Variants in RNF216 observed in about 807,000 individuals in gnomAD.
RNF216 encodes the protein ring finger protein 216, also known as E3 ubiquitin-protein ligase RNF216.
A neutral mutation model predicts 110.8 loss-of-function variants in RNF216; 72 were observed. The observed-to-expected ratio is 0.65, with a 90% confidence interval of 0.54 to 0.79. The LOEUF (loss-of-function observed/expected upper bound fraction) is 0.79. Ranked by LOEUF, RNF216 falls within the 30% of genes least tolerant of loss-of-function variation. The probability of loss-of-function intolerance (pLI) is 0.00; values close to 1 mark genes in which losing one functional copy is unlikely to be tolerated. For synonymous variants in RNF216, 495 were observed against 407.5 expected, an observed-to-expected ratio of 1.21 and a Z score of -2.59; for missense variants, 1,342 against 1,141.2, an observed-to-expected ratio of 1.18 and a Z score of -2.54.
At chr7:5,780,712 A>T (rs1797034666) in intron 1 of RNF216, among the ~76,000 whole-genome samples, 1 of 151,838 alleles carries the variant, frequency 6.6e-6, no homozygotes, top group Admixed American at 6.6e-5. Flanking sequence ...CTCAAAGAAA[A>T]GGAGAAAAAA....
At chr7:5,637,901 G>A (rs1409354490) in intron 15 of RNF216, among the ~76,000 whole-genome samples, 2 of 152,056 alleles carry the variant, frequency 1.3e-5, no homozygotes, top group Non-Finnish European at 2.9e-5. Flanking sequence ...GGTGGAGTGC[G>A]GTGGCGCGAT....
At chr7:5,644,043 A>G (rs1787901807) in intron 14 of RNF216, among the ~76,000 whole-genome samples, 1 of 152,154 alleles carries the variant, frequency 6.6e-6, no homozygotes, top group African/African-American at 2.4e-5. Flanking sequence ...TTATGGTTGG[A>G]TAATATTCCA....
rs190880738 is a variant in RNF216, at chr7:5,765,408, G to A, written c.-69-4270C>T. Among the ~76,000 whole-genome samples the A allele has an allele frequency of 9.3e-5, 14 of 151,308 alleles. No homozygotes were observed. The East Asian group carries it at 2.6e-3, about 28-fold the overall frequency. ...CAGCTTGGAAGGTGGAGGTTGCAGT[G>A]AGCTGAGATTGTGCCACTGCACTCC... On this transcript the variant is annotated intron_variant, in intron 1 of 16. Coordinates refer to ENST00000389902, the MANE Select transcript of RNF216 (RefSeq NM_207111.4).
chr7:5,733,464 T>C (rs1295167495), intron 5 of RNF216, among the ~76,000 whole-genome samples: 1 of 152,200 alleles, frequency 6.6e-6, no homozygotes, highest in African/African-American at 2.4e-5. Flanking sequence ...TTAAACATGA[T>C]GTTCATTTGC....
intron 15 of RNF216, among the ~76,000 whole-genome samples, chr7:5,629,194 CAAAA>C (rs112745079): frequency 1.2e-5 from 1 of 82,934 alleles, no homozygotes; most frequent in African/African-American, 3.6e-5. Flanking sequence ...GACTCTGTCT[CAAAA>C]AAAAAAAAAA....
intron 1 of RNF216, among the ~76,000 whole-genome samples, chr7:5,776,851 A>G (rs1730166612): frequency 7.3e-6 from 1 of 136,422 alleles, no homozygotes; most frequent in Non-Finnish European, 1.6e-5. Context: ...CAGTGAGCTG[A>G]TATTGTGCCA....
At chr7:5,683,054 C>T (rs1162117734) in intron 13 of RNF216, among the ~76,000 whole-genome samples, 1 of 151,998 alleles carries the variant, frequency 6.6e-6, no homozygotes, top group African/African-American at 2.4e-5. Context: ...CTATGTCATG[C>T]TAAGTTAAAA....
At position 5,761,016 on chromosome 7, in the gene RNF216, G is replaced by A. The variant is rs1238972268; in HGVS notation, c.54C>T (p.Cys18=). 2.5e-6 allele frequency: 4 copies of A among 1,572,706 alleles called. No homozygotes were observed. The highest frequency in any genetic ancestry group is 2.8e-5 in the African/African-American group (2 of 72,184). ...CAAACAACTTACCTTGTCCCCGATG[G>A]CAGTGAAAGTTGTTCAAGTGAATTA... The part of the protein sequence containing the change: ...EEVIHLNNFH[C]HRGQEWINLR... Residue 18 remains cysteine, a synonymous_variant, in exon 2 of 17, where the codon TGC becomes TGT. Coordinates refer to ENST00000389902, the MANE Select transcript of RNF216 (RefSeq NM_207111.4).
Position 5,716,719 on chromosome 7 carries a change from T to C in RNF216, c.1692A>G (p.Gln564=). 1 of 1,592,450 alleles carries C rather than the reference T, an allele frequency of 6.3e-7. No individual in the cohort carries two copies. Among genetic ancestry groups the C allele is most frequent in the Non-Finnish European group, 8.6e-7 (1 of 1,167,492 alleles). ...LALQMNEEQY[Q]KDGQLIECRC... is the part of the protein sequence containing the mutation. ...ACAAGGTGAGATTTCAAACTACCTT[T>C]TGATACTGTTCTTCATTCATCTGTA... Residue 564 remains glutamine (Q), a synonymous_variant, in exon 10 of 17, where the codon CAA becomes CAG. Transcript: ENST00000389902.
At chr7:5,781,097 G>A (rs1007425053) in intron 1 of RNF216, among the ~76,000 whole-genome samples, 2 of 152,178 alleles carry the variant, frequency 1.3e-5, no homozygotes, top group African/African-American at 2.4e-5. Context: ...GGAAGAGGAG[G>A]AAAAACGCCG....
intron 3 of RNF216, among the ~76,000 whole-genome samples, chr7:5,752,586 C>T (rs1358517783): frequency 2.6e-5 from 4 of 152,100 alleles, no homozygotes; most frequent in Admixed American, 1.3e-4. Context: ...CAGTAAGATA[C>T]ACTATAATGT....
chr7:5,663,877 G>C (rs962853196), intron 13 of RNF216, among the ~76,000 whole-genome samples: 4 of 151,978 alleles, frequency 2.6e-5, no homozygotes, highest in Non-Finnish European at 4.4e-5. Context: ...CAGCCTGGGC[G>C]ACAGAGAGGG....
At chr7:5,751,782 T>C (rs1795338183) in intron 3 of RNF216, among the ~76,000 whole-genome samples, 1 of 143,676 alleles carries the variant, frequency 7.0e-6, no homozygotes, top group African/African-American at 2.7e-5. Context: ...AAGGAAGTGT[T>C]CCTTGGTCCT....
chr7:5,660,596 G>A (rs1225378020), intron 13 of RNF216, among the ~76,000 whole-genome samples: 1 of 151,532 alleles, frequency 6.6e-6, no homozygotes, highest in East Asian at 1.9e-4. Flanking sequence ...ATGATTGACT[G>A]AGACAGGGTC....
intron 13 of RNF216, among the ~76,000 whole-genome samples, chr7:5,678,669 C>T (rs1790459214): frequency 6.6e-6 from 1 of 152,256 alleles, no homozygotes; most frequent in Admixed American, 6.5e-5. Context: ...GCCATGGCTC[C>T]AGTCACAACT....
At chr7:5,734,150 A>G (rs1346881524) in intron 5 of RNF216, among the ~76,000 whole-genome samples, 2 of 152,226 alleles carry the variant, frequency 1.3e-5, no homozygotes, top group African/African-American at 4.8e-5. Context: ...AGTAGAGTTC[A>G]GGAGACAAGC....
At chr7:5,683,919 C>T (rs192642870) in intron 13 of RNF216, among the ~76,000 whole-genome samples, 4 of 151,938 alleles carry the variant, frequency 2.6e-5, no homozygotes, top group Non-Finnish European at 4.4e-5. Context: ...AGAATAGGGA[C>T]GGGCATCACT....
rs1203698213 is a variant in RNF216, at chr7:5,741,526, T to C, written c.491A>G (p.Gln164Arg). Residue 164 changes from glutamine to arginine, a missense_variant, in exon 4 of 17, where the codon CAA (glutamine) becomes CGA (arginine). By Grantham distance (43) the Gln-to-Arg change is conservative. Coordinates refer to ENST00000389902, the MANE Select transcript of RNF216 (RefSeq NM_207111.4). ...REPKPGPSHN[Q>R]AANDIVNPRS... ...GGGGTTGACAATGTCATTTGCTGCTTGGTTATGACTCGGTCCAGGCTTGGG... is the reference window on the plus strand; with the variant it reads ...GGGGTTGACAATGTCATTTGCTGCTCGGTTATGACTCGGTCCAGGCTTGGG... 1 of 1,614,096 alleles carries C rather than the reference T, an allele frequency of 6.2e-7. No individual in the cohort carries two copies. The highest frequency in any genetic ancestry group is 1.3e-5 in the African/African-American group (1 of 74,928).
chr7:5,740,258 T>G (rs867977603), intron 4 of RNF216, among the ~76,000 whole-genome samples: 1 of 151,294 alleles, frequency 6.6e-6, no homozygotes, highest in Non-Finnish European at 1.5e-5. Context: ...TCCCAAGAAG[T>G]TGGGACTACA....
Sources: allele counts gnomAD v4.1 joint callset (sites outside exome capture counted in the v4.1 genomes callset), GRCh38; gene constraint gnomAD v4.1.1; transcripts MANE v1.5; gene names NCBI Gene and HGNC (gene_info 2026-07-23, HGNC 2026-07-21).